CD300A: variants seen among roughly 807,000 people sequenced by gnomAD.
The protein encoded by CD300A is CMRF35-like molecule 8.
In CD300A, 22 loss-of-function variants were observed where a neutral mutation model predicts 33.6. The observed-to-expected ratio is 0.66, with a 90% CI of 0.47 to 0.94. The LOEUF (loss-of-function observed/expected upper bound fraction) is 0.94, where lower values mean the gene tolerates loss of function less well. CD300A is among the 40% of genes least tolerant of loss of function. CD300A has a pLI of 0.00. For missense variants in CD300A, 326 were observed against 360.5 expected (o/e 0.90, Z 0.77); for synonymous variants, 136 against 148.1 (o/e 0.92, Z 0.59).
intron 1 of CD300A, among the ~76,000 whole-genome samples, chr17:74,471,195 T>C (rs1159673515): frequency 1.3e-5 from 2 of 152,240 alleles, no homozygotes; most frequent in Non-Finnish European, 2.9e-5. Flanking sequence ...TATGTGTCAA[T>C]TTTAGTGATT....
chr17:74,483,767 G>A (rs1907072955), intron 6 of CD300A, among the ~76,000 whole-genome samples: 1 of 152,194 alleles, frequency 6.6e-6, no homozygotes, highest in Non-Finnish European at 1.5e-5. Context: ...CAGCCCTGAG[G>A]AGCCCCCGGA....
chr17:74,484,118 A>G lies in CD300A; in HGVS notation c.892A>G (p.Lys298Glu), dbSNP rs1907102682. The G allele has an allele frequency of 6.2e-7, 1 of 1,613,578 alleles. No individual in the cohort carries two copies. Among genetic ancestry groups the G allele is most frequent in the South Asian group, 1.1e-5 (1 of 91,056 alleles). The stretch of plus-strand genomic sequence containing the variant: ...AGATTCAGATTACAGTGTGATAAGG[A>G]AGACATAGGCTTTTGTCCTGCCTCG... ...EPDSDYSVIR[K>E]T Residue 298 changes from lysine to glutamate, a missense_variant, in exon 7 of 7, where the codon AAG becomes GAG. Transcript: ENST00000360141.
In CD300A at chr17:74,482,732, T is replaced by TTCTTTCTTTCTC. The variant is rs1336360956; in HGVS notation, c.774+900_774+901insCTTTCTTTCTCT. On this transcript the variant is annotated intron_variant, in intron 6 of 6. Coordinates refer to ENST00000360141, the MANE Select transcript of CD300A (RefSeq NM_007261.4). ...TTTCTTTCTTTCTTTCTTTCTTTCT[T>TTCTTTCTTTCTC]TGGAATCTCGCTCTATCCCCCAGGC... Among the ~76,000 whole-genome samples, 221 of 132,912 alleles carry TTCTTTCTTTCTC rather than the reference T, an allele frequency of 1.7e-3. 13 individuals are homozygous for TTCTTTCTTTCTC. The highest frequency in any genetic ancestry group is 0.011 in the Middle Eastern group (3 of 284). 87.2% of individuals were successfully genotyped at this position (132,912 alleles called of 152,430 possible). A position where few individuals can be genotyped will look rare whatever the true frequency, so the allele number is the denominator to read the frequency against.
chr17:74,480,061 C>A lies in CD300A; in HGVS notation c.629-1228C>A, dbSNP rs1364234257. 1.3e-5 allele frequency among the ~76,000 whole-genome samples: 2 copies of A among 152,158 alleles called. No individual in the cohort carries two copies. Among genetic ancestry groups the A allele is most frequent in the Admixed American group, 6.5e-5 (1 of 15,274 alleles). Reference sequence around the variant, plus strand: ...CGTTGAACTCCTGTCTCTTCCCCACCAGCTCTTTTTCTCCTTCCCATCAGA... The same window carrying A: ...CGTTGAACTCCTGTCTCTTCCCCACAAGCTCTTTTTCTCCTTCCCATCAGA... On this transcript the variant is annotated intron_variant, in intron 4 of 6. Coordinates refer to ENST00000360141, the MANE Select transcript of CD300A (RefSeq NM_007261.4). This position sits in a 1 kb window ranked among gnomAD's most constrained non-coding sequence, Gnocchi z 4.2.
At chr17:74,482,144 GT>G (rs1362314399) in intron 6 of CD300A, among the ~76,000 whole-genome samples, 1 of 151,938 alleles carries the variant, frequency 6.6e-6, no homozygotes, top group African/African-American at 2.4e-5. Context: ...ACTTCTCACT[GT>G]TTTGGTCTCA....
intron 1 of CD300A, among the ~76,000 whole-genome samples, chr17:74,468,752 G>A (rs974014063): frequency 4.6e-5 from 7 of 152,182 alleles, no homozygotes; most frequent in Non-Finnish European, 7.3e-5. Context: ...CGCCTCCCGG[G>A]TTCAAGTGAT....
chr17:74,469,949 G>A (rs1406748742), intron 1 of CD300A: 17 of 985,030 alleles, frequency 1.7e-5, no homozygotes, highest in Non-Finnish European at 1.9e-5. Context: ...TCACCAGTTC[G>A]TGAAAGATGA....
rs150255333 is a variant in CD300A at position 74,479,276 on chromosome 17, A to G, written c.628+1746A>G. ...TTTTGAGACAGAGTCTCACTCTGTC[A>G]CCCAGGCTGGCGTGCAGTGGCATGA... On this transcript the variant is annotated intron_variant, in intron 4 of 6. Coordinates refer to ENST00000360141, the MANE Select transcript of CD300A (RefSeq NM_007261.4). Among the ~76,000 whole-genome samples the G allele has an allele frequency of 5.0e-3, 758 of 151,824 alleles. 4 individuals carry two copies. The highest frequency in any genetic ancestry group is 0.017 in the African/African-American group (709 of 41,346).
intron 6 of CD300A, among the ~76,000 whole-genome samples, chr17:74,482,621 T>G (rs542064874): frequency 7.6e-4 from 115 of 151,064 alleles, no homozygotes; most frequent in African/African-American, 2.7e-3. Flanking sequence ...CCGCCAGCTG[T>G]CTGCATGAGG....
At chr17:74,476,470 G>A (rs796738603) in intron 3 of CD300A, among the ~76,000 whole-genome samples, 37 of 152,306 alleles carry the variant, frequency 2.4e-4, no homozygotes, top group Middle Eastern at 3.4e-3. Context: ...AGGTGGCAGC[G>A]CTGAGTTCTG....
In CD300A at chr17:74,484,166, C is replaced by T; in HGVS notation, c.*40C>T. 6.2e-7 allele frequency: 1 copy of T among 1,607,996 alleles called. No individual in the cohort carries two copies. The highest frequency in any genetic ancestry group is 8.5e-7 in the Non-Finnish European group (1 of 1,176,594). On this transcript the variant is annotated 3_prime_UTR_variant, in exon 7 of 7. Coordinates refer to ENST00000360141, the MANE Select transcript of CD300A (RefSeq NM_007261.4). ...TCGCCATCGGAGCTCTCATGGGCCC[C>T]AGGAAGTCCAGGGACAGCTCCCTTA... is the stretch of plus-strand genomic sequence containing the variant.
At chr17:74,470,399 G>A (rs552100309) in intron 1 of CD300A, among the ~76,000 whole-genome samples, 2 of 152,190 alleles carry the variant, frequency 1.3e-5, no homozygotes, top group South Asian at 2.1e-4. Flanking sequence ...GAGAGAGAAA[G>A]AGAGAGAGCT....
chr17:74,473,327 T>A (rs1051312454), intron 1 of CD300A, among the ~76,000 whole-genome samples: 2 of 151,822 alleles, frequency 1.3e-5, no homozygotes, highest in Non-Finnish European at 2.9e-5. Context: ...CAGCCTGAGC[T>A]CTTCCGGTCT....
rs137915902 is a variant in CD300A, at chr17:74,473,826, C to T, written c.331C>T (p.Arg111Ter). ...GTGTGGGGTGGATACACCATGGCTC[C>T]GAGACTTTCATGATCCCGTTGTCGA... is the stretch of plus-strand genomic sequence containing the variant. ...YWCGVDTPWL[R>*]DFHDPVVEVE... The change falls in exon 2 of 7, where the codon CGA becomes TGA. Residue 111 changes from arginine to a stop codon, truncating the protein, a stop_gained. Coordinates refer to ENST00000360141, the MANE Select transcript of CD300A (RefSeq NM_007261.4). LOFTEE classifies it high-confidence loss of function. 7.7e-4 allele frequency: 1,244 copies of T among 1,613,774 alleles called. 9 individuals are homozygous for T. The Admixed American group carries it at 0.012, about 16-fold the overall frequency.
intron 1 of CD300A, chr17:74,467,017 T>G (rs1381980950): frequency 1.5e-6 from 2 of 1,343,708 alleles, no homozygotes; most frequent in East Asian, 5.9e-5. Flanking sequence ...AGGGACCTTT[T>G]AGGTTTTCAG....
At chr17:74,483,382 A>G (rs1020056908) in intron 6 of CD300A, among the ~76,000 whole-genome samples, 1 of 144,272 alleles carries the variant, frequency 6.9e-6, no homozygotes, top group African/African-American at 2.6e-5. Flanking sequence ...TTTTTGAGAC[A>G]GAGTCCCACT....
intron 1 of CD300A, among the ~76,000 whole-genome samples, chr17:74,469,297 AG>A (rs1905933588): frequency 6.6e-6 from 1 of 151,600 alleles, no homozygotes; most frequent in Non-Finnish European, 1.5e-5. Context: ...TTGAGGTGGG[AG>A]GATAGCTTAA....
upstream of CD300A, chr17:74,466,521 CG>C: frequency 1.5e-6 from 1 of 658,118 alleles, no homozygotes; most frequent in Non-Finnish European, 2.6e-6. Context: ...GAGTCTTAGT[CG>C]GGGCTCACCA....
rs190255463 is a variant in CD300A, at chr17:74,477,703, C to T, written c.628+173C>T. ...AGGTCCCATGGGAGGCATCCTTGTG[C>T]GTGGTGGTTACAGGCTGTGAGAGGT... On this transcript the variant is annotated intron_variant, in intron 4 of 6. Coordinates refer to ENST00000360141, the MANE Select transcript of CD300A (RefSeq NM_007261.4). 4.9e-4 allele frequency among the ~76,000 whole-genome samples: 75 copies of T among 152,272 alleles called. 1 individual carries two copies. In the South Asian group the frequency reaches 6.0e-3, roughly 12 times the overall value.
Sources: gnomAD v4.1 joint callset for allele counts (sites outside exome capture counted in the v4.1 genomes callset) on GRCh38, gnomAD v4.1.1 for gene constraint, Gnocchi (gnomAD v3.1) non-coding constraint, MANE v1.5 for transcripts, NCBI Gene and HGNC (gene_info 2026-07-23, HGNC 2026-07-21) for gene names.